GPM6A: variants seen among roughly 807,000 people sequenced by gnomAD.
The protein encoded by GPM6A is neuronal membrane glycoprotein M6-a.
A neutral mutation model predicts 32.1 loss-of-function variants in GPM6A; 7 were observed. The ratio of observed to expected loss-of-function variants is 0.22; its 90% confidence interval spans 0.12 to 0.41. The LOEUF (loss-of-function observed/expected upper bound fraction) is 0.41. Ranked by LOEUF, GPM6A falls within the 10% of genes least tolerant of loss-of-function variation. The pLI, the probability that GPM6A is intolerant of heterozygous loss-of-function variation, is 1.00. For synonymous variants in GPM6A, 130 were observed against 123.4 expected, an observed-to-expected ratio of 1.05 and a Z score of -0.35; for missense variants, 235 against 347.2, an observed-to-expected ratio of 0.68 and a Z score of 2.57.
rs575528821 is a variant in GPM6A at position 176,001,703 on chromosome 4, C to G, written c.-23+606G>C. ...CCAGGTGGAATTTAGGAAGAATCAG[C>G]CTTCAGCCTCAACCTCAAACCTTTT... On this transcript the variant is annotated intron_variant, in intron 1 of 7. Transcript: ENST00000280187. Among the ~76,000 whole-genome samples the G allele has an allele frequency of 3.3e-5, 5 of 152,304 alleles. No individual in the cohort carries two copies. The South Asian group carries it at 1.0e-3, about 32-fold the overall frequency.
At chr4:175,663,754 C>G (rs1447776348) in intron 3 of GPM6A, among the ~76,000 whole-genome samples, 1 of 145,868 alleles carries the variant, frequency 6.9e-6, no homozygotes, top group African/African-American at 2.6e-5. Context: ...AGTGCAGTGG[C>G]GCAGTCTCGG....
intron 1 of GPM6A, among the ~76,000 whole-genome samples, chr4:175,803,156 G>C (rs1423741692): frequency 8.4e-6 from 1 of 118,378 alleles, no homozygotes; most frequent in Non-Finnish European, 1.8e-5. Flanking sequence ...TTCTCCTCCT[G>C]TTCTCGTTTC....
chr4:175,838,112 G>GACACACACACACACACAGAC (rs1735828135), intron 1 of GPM6A, among the ~76,000 whole-genome samples: 3 of 141,864 alleles, frequency 2.1e-5, no homozygotes, highest in African/African-American at 7.8e-5. Context: ...CACACACACA[G>GACACACACACACACACAGAC]ACACACACAC....
chr4:175,968,419 G>A (rs1445493450), intron 1 of GPM6A, among the ~76,000 whole-genome samples: 3 of 152,126 alleles, frequency 2.0e-5, no homozygotes, highest in Admixed American at 2.0e-4. Context: ...AGAAAATATT[G>A]ATAAGATGGA....
intron 1 of GPM6A, among the ~76,000 whole-genome samples, chr4:175,948,327 A>G (rs1739680559): frequency 6.6e-6 from 1 of 152,220 alleles, no homozygotes; most frequent in African/African-American, 2.4e-5. Context: ...ATAAGAAAAG[A>G]CATGAGAGAA....
In GPM6A at chr4:175,857,009, C is replaced by T. The variant is rs545975628; in HGVS notation, c.-22-44760G>A. On this transcript the variant is annotated intron_variant, in intron 1 of 7. Coordinates refer to the GPM6A transcript ENST00000280187. ...TGTGGGTGGAGCCCTCACCCAGGACCCTGCCCTCTTCTACCCAGTATTTCC... is the reference window on the plus strand; with the variant it reads ...TGTGGGTGGAGCCCTCACCCAGGACTCTGCCCTCTTCTACCCAGTATTTCC... Among the ~76,000 whole-genome samples the T allele has an allele frequency of 4.0e-4, 61 of 152,164 alleles. 3 individuals are homozygous for T. In the East Asian group the frequency reaches 4.4e-3, roughly 11 times the overall value.
At chr4:175,862,963 C>T (rs942575681) in intron 1 of GPM6A, among the ~76,000 whole-genome samples, 1 of 152,026 alleles carries the variant, frequency 6.6e-6, no homozygotes, top group Non-Finnish European at 1.5e-5. Flanking sequence ...TTTGCAAATA[C>T]GATTTTCTGT....
At chr4:175,707,678 A>C (rs532002448) in intron 1 of GPM6A, among the ~76,000 whole-genome samples, 1 of 150,588 alleles carries the variant, frequency 6.6e-6, no homozygotes, top group South Asian at 2.1e-4. Context: ...TTATCTTCTT[A>C]TTGTCTTACG....
intron 2 of GPM6A, among the ~76,000 whole-genome samples, chr4:175,687,630 A>G (rs1744059339): frequency 6.6e-6 from 1 of 152,144 alleles, no homozygotes; most frequent in Admixed American, 6.6e-5. Context: ...ATGCTGCAGT[A>G]AACTTGAGAG....
chr4:175,902,292 T>C (rs2088193), intron 1 of GPM6A, among the ~76,000 whole-genome samples: 32,219 of 152,128 alleles, frequency 0.21, 4,277 homozygotes, highest in Admixed American at 0.34. Context: ...ATTTAGGTAG[T>C]TAGTGATGGT....
chr4:175,921,993 C>A (rs868831185), intron 1 of GPM6A, among the ~76,000 whole-genome samples: 2 of 152,110 alleles, frequency 1.3e-5, no homozygotes, highest in South Asian at 4.1e-4. Context: ...TAATAGAAGA[C>A]CCAGTTTGTG....
At chr4:175,952,055 C>G (rs191838442) in intron 1 of GPM6A, among the ~76,000 whole-genome samples, 1 of 152,342 alleles carries the variant, frequency 6.6e-6, no homozygotes, top group East Asian at 1.9e-4. Context: ...TCCTTCCACA[C>G]AGACACACAT....
At chr4:175,938,175 G>T (rs532715294) in intron 1 of GPM6A, among the ~76,000 whole-genome samples, 1 of 152,094 alleles carries the variant, frequency 6.6e-6, no homozygotes, top group Admixed American at 6.5e-5. Context: ...AGCAGAATAG[G>T]GTGACTATAC....
intron 3 of GPM6A, among the ~76,000 whole-genome samples, chr4:175,665,087 G>A (rs187473965): frequency 1.1e-4 from 17 of 152,258 alleles, no homozygotes; most frequent in Non-Finnish European, 2.4e-4. Context: ...CCTCTGACAC[G>A]TGGTTCAGCA....
Position 175,654,736 on chromosome 4 carries a change from G to GA in GPM6A, c.388-2750dup, listed in dbSNP as rs1741987634. On this transcript the variant is annotated intron_variant, in intron 3 of 6. Transcript: ENST00000393658. The stretch of plus-strand genomic sequence containing the variant: ...TCTTCTTAAAAGAACACCTTTGGGG[G>GA]AAAAAATCTTTTTTATTAACATTTT... 2.0e-5 allele frequency among the ~76,000 whole-genome samples: 3 copies of GA among 151,992 alleles called. No individual in the cohort carries two copies. The East Asian group carries it at 5.8e-4, about 29-fold the overall frequency.
intron 1 of GPM6A, among the ~76,000 whole-genome samples, chr4:175,850,108 G>A (rs760149046): frequency 6.6e-6 from 1 of 152,102 alleles, no homozygotes; most frequent in Non-Finnish European, 1.5e-5. Context: ...GAAGAGACAT[G>A]GAAGCTTTAC....
chr4:175,707,288 C>A (rs538439263), intron 1 of GPM6A, among the ~76,000 whole-genome samples: 25 of 152,290 alleles, frequency 1.6e-4, no homozygotes, highest in African/African-American at 3.9e-4. Context: ...GATGGGGACC[C>A]CTTTCCAGTA....
chr4:175,881,578 A>G (rs1003916673), intron 1 of GPM6A, among the ~76,000 whole-genome samples: 1 of 152,236 alleles, frequency 6.6e-6, no homozygotes, highest in Non-Finnish European at 1.5e-5. Context: ...ACAATAGCAA[A>G]GACTTGGAAC....
At chr4:175,755,926 A>C (rs1341257650) in intron 1 of GPM6A, among the ~76,000 whole-genome samples, 4 of 152,184 alleles carry the variant, frequency 2.6e-5, no homozygotes, top group African/African-American at 9.7e-5. Flanking sequence ...CCTGCAGACT[A>C]TGAGGAGAGA....
Sources: allele counts gnomAD v4.1 joint callset (sites outside exome capture counted in the v4.1 genomes callset), GRCh38; gene constraint gnomAD v4.1.1; transcripts MANE v1.5; gene names NCBI Gene and HGNC (gene_info 2026-07-23, HGNC 2026-07-21).